Variants in KRT7 observed in about 807,000 individuals in gnomAD.
KRT7 encodes keratin 7.
KRT7 carries 50 observed loss-of-function variants against 42.8 expected under a neutral mutation model. That is an observed-to-expected ratio of 1.17 (90% CI 0.93 to 1.48). The LOEUF is 1.48. Among genes scored for constraint, KRT7 ranks in the 40% most tolerant of loss-of-function variants. The pLI, the probability that KRT7 is intolerant of heterozygous loss-of-function variation, is 0.00. For missense variants in KRT7, 588 were observed against 637.6 expected (o/e 0.92, Z 0.84); for synonymous variants, 268 against 266.3 (o/e 1.01, Z -0.06).
At chr12:52,234,858 G>C (rs1941987140) in intron 1 of KRT7, among the ~76,000 whole-genome samples, 1 of 152,234 alleles carries the variant, frequency 6.6e-6, no homozygotes, top group Non-Finnish European at 1.5e-5. Context: ...TGTTCAGATA[G>C]GGAGGTGGAG....
At chr12:52,238,871 TG>T in intron 4 of KRT7, 96 bp downstream of exon 4, 1 of 764,838 alleles carries the variant, frequency 1.3e-6, no homozygotes, top group Non-Finnish European at 2.3e-6. Context: ...AGTCCAGATA[TG>T]TGTCAGTGTG....
At chr12:52,253,319 G>A (rs553347685), downstream of KRT7, 108 of 1,612,838 alleles carry the variant, frequency 6.7e-5, 1 homozygote, top group Middle Eastern at 6.6e-4. Flanking sequence ...CCTGATCACC[G>A]TGGCCTTCAT....
chr12:52,243,390 C>T (rs549968021), intron 6 of KRT7: 11 of 467,560 alleles, frequency 2.4e-5, no homozygotes, highest in East Asian at 7.5e-5. Context: ...AGAAGAAAGC[C>T]ACCACTGGTT....
At chr12:52,249,475 C>T (rs1335278748), downstream of KRT7, 2 of 152,282 alleles carry the variant, frequency 1.3e-5, no homozygotes, top group African/African-American at 4.8e-5. Context: ...GAGGAGGGTC[C>T]TAGAGTCTAG....
chr12:52,241,002 C>T (rs755793759), intron 4 of KRT7, among the ~76,000 whole-genome samples: 7 of 151,434 alleles, frequency 4.6e-5, no homozygotes, highest in Non-Finnish European at 8.8e-5. Context: ...TCAATTCCCA[C>T]CTATGAGTGA....
chr12:52,253,507 G>A (rs1380291500), downstream of KRT7: 1 of 1,571,320 alleles, frequency 6.4e-7, no homozygotes, highest in Non-Finnish European at 8.7e-7. Flanking sequence ...CCATCCGTAG[G>A]GACCAGAATC....
Position 52,233,538 on chromosome 12 carries a change from AC to A in KRT7, c.246del (p.Ser83ProfsTer115). ...SLLAPLRLDA[D>X]PSLQRVRQEE... ...CTGGCCCCGCTGCGGCTGGACGCCG[AC>A]CCCTCCCTCCAGCGGGTGCGCCAGG... On this transcript the variant is annotated frameshift_variant, in exon 1 of 9. Coordinates refer to ENST00000331817, the MANE Select transcript of KRT7 (RefSeq NM_005556.4). LOFTEE classifies it high-confidence loss of function. The A allele has an allele frequency of 2.5e-6, 4 of 1,612,422 alleles. No homozygotes were observed. The highest frequency in any genetic ancestry group is 3.4e-6 in the Non-Finnish European group (4 of 1,179,638).
chr12:52,245,447 G>A lies in KRT7; in HGVS notation c.1020G>A (p.Glu340=), dbSNP rs757278379. The change falls in exon 7 of 9, where the codon GAG becomes GAA. Residue 340 remains glutamate, a synonymous_variant. Transcript: ENST00000331817. ...TGGAGGCCGCCATTGCCGAGGCTGAGGAGCGTGGGGAGCTGGCGCTCAAGG... is the reference window on the plus strand; with the variant it reads ...TGGAGGCCGCCATTGCCGAGGCTGAAGAGCGTGGGGAGCTGGCGCTCAAGG... ...AKLEAAIAEA[E]ERGELALKDA... is the part of the protein sequence containing the mutation. 2 of 1,614,020 alleles carry A rather than the reference G, an allele frequency of 1.2e-6. No individual in the cohort carries two copies. The highest frequency in any genetic ancestry group is 1.7e-5 in the Admixed American group (1 of 60,010).
At chr12:52,237,754 G>GTGTGTT in intron 3 of KRT7, 185 bp downstream of exon 3, 1 of 468,920 alleles carries the variant, frequency 2.1e-6, no homozygotes, top group Non-Finnish European at 3.8e-6. Context: ...GTGTGTGTGT[G>GTGTGTT]TGTGTGTGGT....
rs966210554 is a variant in KRT7, at chr12:52,235,356, T to G, written c.526T>G (p.Phe176Val). 6.2e-7 allele frequency: 1 copy of G among 1,609,860 alleles called. No homozygotes were observed. The highest frequency in any genetic ancestry group is 8.5e-7 in the Non-Finnish European group (1 of 1,178,042). Residue 176 changes from phenylalanine to valine, a missense_variant, in exon 2 of 9, where the codon TTC becomes GTC. Coordinates refer to ENST00000331817, the MANE Select transcript of KRT7 (RefSeq NM_005556.4). Reference protein sequence around the residue: ...LRSMQDVVEDFKNKYEDEINH... With the variant: ...LRSMQDVVEDVKNKYEDEINH... ...GAGCATGCAGGATGTGGTGGAGGAC[T>G]TCAAGAATAAGTAATGCCCCCTGTG...
At chr12:52,253,550 T>C (rs965286113), downstream of KRT7, 47 of 1,603,770 alleles carry the variant, frequency 2.9e-5, no homozygotes, top group Non-Finnish European at 3.3e-5. Context: ...ATAGGTACCT[T>C]GCATCCCTCC....
chr12:52,247,980 G>A (rs1376408390), intron 7 of KRT7, 197 bp from the exon 8 acceptor site: 4 of 610,058 alleles, frequency 6.6e-6, no homozygotes, highest in Non-Finnish European at 1.2e-5. Context: ...GGTGGCCAGT[G>A]GATAGAAGGG....
intron 3 of KRT7, among the ~76,000 whole-genome samples, chr12:52,238,148 G>T (rs930331231): frequency 1.3e-5 from 2 of 152,182 alleles, no homozygotes; most frequent in Non-Finnish European, 2.9e-5. Context: ...AGGCCTGTCC[G>T]TAGGAGTTTA....
intron 4 of KRT7, among the ~76,000 whole-genome samples, chr12:52,239,481 A>G (rs1181761795): frequency 6.6e-6 from 1 of 152,180 alleles, no homozygotes; most frequent in Non-Finnish European, 1.5e-5. Context: ...GGTTGCGAGG[A>G]TTTATCCTGC....
intron 7 of KRT7, chr12:52,247,959 G>A: frequency 1.7e-6 from 1 of 588,626 alleles, no homozygotes; most frequent in Non-Finnish European, 3.0e-6. Context: ...CTGAGACATT[G>A]CCTGGGGTCA....
downstream of KRT7, among the ~76,000 whole-genome samples, chr12:52,251,512 T>C (rs530602059): frequency 6.6e-5 from 10 of 152,364 alleles, no homozygotes; most frequent in African/African-American, 2.4e-4. Context: ...GTTTACCCTA[T>C]AGCATAGCCT....
Position 52,243,058 on chromosome 12 carries a change from G to C in KRT7, c.905G>C (p.Arg302Pro). The change falls in exon 6 of 9, where the codon CGG (arginine) becomes CCG (proline). Residue 302 changes from arginine (R) to proline (P), a missense_variant. Arg to Pro is a moderately radical substitution (Grantham distance 103, BLOSUM62 -2). Transcript: ENST00000331817. ...GCTGGGAAGCATGGGGACGACCTCC[G>C]GAATACCCGGAATGAGATTTCAGAG... is the stretch of plus-strand genomic sequence containing the variant. ...AQAGKHGDDL[R>P]NTRNEISEMN... The C allele has an allele frequency of 6.2e-7, 1 of 1,613,870 alleles. No homozygotes were observed. The highest frequency in any genetic ancestry group is 8.5e-7 in the Non-Finnish European group (1 of 1,179,894).
intron 6 of KRT7, 86 bp from the exon 7 acceptor site, chr12:52,245,326 C>A: frequency 7.2e-7 from 1 of 1,386,236 alleles, no homozygotes; most frequent in Non-Finnish European, 1.0e-6. Flanking sequence ...CCACCTTAAG[C>A]AAGTTGCCCG....
At position 52,245,431 on chromosome 12, in the gene KRT7, C is replaced by T; in HGVS notation, c.1004C>T (p.Ala335Val). 2 of 1,613,862 alleles carry T rather than the reference C, an allele frequency of 1.2e-6. No individual in the cohort carries two copies. The highest frequency in any genetic ancestry group is 1.7e-5 in the Admixed American group (1 of 59,998). The change falls in exon 7 of 9, where the codon GCC becomes GTC. Residue 335 changes from alanine (A) to valine (V), a missense_variant. By Grantham distance (64) the Ala-to-Val change is moderately conservative (BLOSUM62 0). Transcript: ENST00000331817. ...CCACAGCGTGCCAAGTTGGAGGCCG[C>T]CATTGCCGAGGCTGAGGAGCGTGGG... is the stretch of plus-strand genomic sequence containing the variant. Reference protein sequence around the residue: ...IKNQRAKLEAAIAEAEERGEL... With the variant: ...IKNQRAKLEAVIAEAEERGEL...
Sources: allele counts gnomAD v4.1 joint callset (sites outside exome capture counted in the v4.1 genomes callset), GRCh38; gene constraint gnomAD v4.1.1; transcripts MANE v1.5; gene names NCBI Gene and HGNC (gene_info 2026-07-23, HGNC 2026-07-21).